Variants in EPHA6 observed in about 807,000 individuals in gnomAD.
EPHA6 encodes the protein ephrin type-A receptor 6.
Under a neutral mutation model 112.0 loss-of-function variants are expected in EPHA6, and 50 were observed. The ratio of observed to expected loss-of-function variants is 0.45; its 90% confidence interval spans 0.36 to 0.56. The LOEUF (loss-of-function observed/expected upper bound fraction) is 0.56, where lower values mean the gene tolerates loss of function less well. Ranked by LOEUF, EPHA6 falls within the 20% of genes least tolerant of loss-of-function variation. The pLI, the probability that EPHA6 is intolerant of heterozygous loss-of-function variation, is 0.00. For synonymous variants in EPHA6, 529 were observed against 490.7 expected (o/e 1.08, Z -1.03); for missense variants, 1,280 against 1,417.4 (o/e 0.90, Z 1.56).
intron 7 of EPHA6, among the ~76,000 whole-genome samples, chr3:97,466,646 A>C (rs2091065697): frequency 6.6e-6 from 1 of 151,896 alleles, no homozygotes; most frequent in South Asian, 2.1e-4. Context: ...TAAAAATGGC[A>C]ATTTTCATTA....
chr3:97,432,612 A>G (rs1315887256), intron 6 of EPHA6, among the ~76,000 whole-genome samples: 6 of 152,144 alleles, frequency 3.9e-5, no homozygotes, highest in Non-Finnish European at 8.8e-5. Flanking sequence ...TCATACTGCT[A>G]TGAAGATACT....
At chr3:96,865,874 A>T (rs2036280530) in intron 1 of EPHA6, among the ~76,000 whole-genome samples, 1 of 151,912 alleles carries the variant, frequency 6.6e-6, no homozygotes, top group South Asian at 2.1e-4. Context: ...TGAGCTGTCC[A>T]CATTTACCTG....
chr3:96,952,639 A>C lies in EPHA6; in HGVS notation c.451-34691A>C, dbSNP rs1431488345. On this transcript the variant is annotated intron_variant, in intron 2 of 17. Transcript: ENST00000389672. ...TGTCTCAATATTGTTATAGCAACTG[A>C]AAATGGACTTTCTGTTACCCAGTGT... is the stretch of plus-strand genomic sequence containing the variant. Among the ~76,000 whole-genome samples, 6 of 152,328 alleles carry C rather than the reference A, an allele frequency of 3.9e-5. No homozygotes were observed. The East Asian group carries it at 1.2e-3, about 29-fold the overall frequency.
At chr3:97,371,835 G>C (rs931715752) in intron 5 of EPHA6, among the ~76,000 whole-genome samples, 1 of 152,056 alleles carries the variant, frequency 6.6e-6, no homozygotes, top group Non-Finnish European at 1.5e-5. Context: ...CTCTGGGGAC[G>C]TCTGTCTTTT....
chr3:97,292,471 G>A (rs758345885), intron 5 of EPHA6, among the ~76,000 whole-genome samples: 1 of 152,262 alleles, frequency 6.6e-6, no homozygotes, highest in Non-Finnish European at 1.5e-5. Context: ...GCTTCATTAA[G>A]TAACAGAACA....
At chr3:96,818,132 A>G (rs1422968574) in intron 1 of EPHA6, among the ~76,000 whole-genome samples, 2 of 152,026 alleles carry the variant, frequency 1.3e-5, no homozygotes, top group Non-Finnish European at 2.9e-5. Context: ...AAAACATTTC[A>G]TCTTTTCAAG....
intron 15 of EPHA6, among the ~76,000 whole-genome samples, chr3:97,733,014 G>T (rs1366682068): frequency 6.6e-6 from 1 of 151,958 alleles, no homozygotes; most frequent in Non-Finnish European, 1.5e-5. Context: ...CCACAGAGAG[G>T]CCGGGACCAC....
At chr3:96,883,422 G>A (rs2037436383) in intron 2 of EPHA6, among the ~76,000 whole-genome samples, 2 of 152,088 alleles carry the variant, frequency 1.3e-5, no homozygotes, top group African/African-American at 2.4e-5. Context: ...AGTTTAATTA[G>A]GTCCCAGCTA....
chr3:97,121,919 G>C (rs373140287), intron 3 of EPHA6, among the ~76,000 whole-genome samples: 2 of 152,104 alleles, frequency 1.3e-5, no homozygotes, highest in South Asian at 4.1e-4. Flanking sequence ...GGATGCTTAG[G>C]TGTCTTGGTC....
At chr3:97,210,218 T>C (rs1439583170) in intron 3 of EPHA6, among the ~76,000 whole-genome samples, 1 of 152,076 alleles carries the variant, frequency 6.6e-6, no homozygotes, top group Non-Finnish European at 1.5e-5. Flanking sequence ...AAAGAAAAAA[T>C]GTTTAATTGA....
chr3:97,141,873 A>G (rs1249600762), intron 3 of EPHA6, among the ~76,000 whole-genome samples: 1 of 152,012 alleles, frequency 6.6e-6, no homozygotes, highest in Non-Finnish European at 1.5e-5. Context: ...CAAGAAAAAG[A>G]TACAAAGGAT....
intron 3 of EPHA6, among the ~76,000 whole-genome samples, chr3:97,034,119 G>A (rs2044988136): frequency 6.6e-6 from 1 of 151,776 alleles, no homozygotes; most frequent in Non-Finnish European, 1.5e-5. Flanking sequence ...AGGAACATGG[G>A]AACTTTAGGG....
At chr3:96,922,735 C>A (rs764905977) in intron 2 of EPHA6, among the ~76,000 whole-genome samples, 4 of 151,896 alleles carry the variant, frequency 2.6e-5, no homozygotes, top group Non-Finnish European at 4.4e-5. Context: ...GTTTACTGCA[C>A]AGATTATCCC....
chr3:97,471,856 A>C (rs545582445), intron 7 of EPHA6, among the ~76,000 whole-genome samples: 20 of 151,888 alleles, frequency 1.3e-4, no homozygotes, highest in African/African-American at 4.6e-4. Context: ...ATTGTCACTA[A>C]GTCAATGGCT....
chr3:96,980,538 CTTTTTTG>C (rs2042724508), intron 2 of EPHA6, among the ~76,000 whole-genome samples: 1 of 152,150 alleles, frequency 6.6e-6, no homozygotes, highest in African/African-American at 2.4e-5. Flanking sequence ...AATGCGGGCT[CTTTTTTG>C]GTTCCATATG....
intron 5 of EPHA6, among the ~76,000 whole-genome samples, chr3:97,292,828 C>A (rs944655369): frequency 6.7e-6 from 1 of 150,164 alleles, no homozygotes; most frequent in African/African-American, 2.5e-5. Flanking sequence ...GCGTCCTGCT[C>A]TCAGCAGAGA....
At chr3:97,244,323 T>C in intron 5 of EPHA6, 36 bp downstream of exon 5, 1 of 1,576,922 alleles carries the variant, frequency 6.3e-7, no homozygotes, top group Non-Finnish European at 8.7e-7. Context: ...AACAGACCCA[T>C]AATTTCTTTT....
intron 5 of EPHA6, among the ~76,000 whole-genome samples, chr3:97,342,030 G>C (rs1225663919): frequency 6.6e-6 from 1 of 152,158 alleles, no homozygotes; most frequent in Non-Finnish European, 1.5e-5. Flanking sequence ...GTAACATAGA[G>C]AGAGGAATAG....
chr3:97,271,382 G>A (rs922622046), intron 5 of EPHA6, among the ~76,000 whole-genome samples: 6 of 152,060 alleles, frequency 3.9e-5, no homozygotes, highest in African/African-American at 4.8e-5. Flanking sequence ...TTTTTGAGAC[G>A]GAGTCTCGCT....
Sources: gnomAD v4.1 joint callset for allele counts (sites outside exome capture counted in the v4.1 genomes callset) on GRCh38, gnomAD v4.1.1 for gene constraint, MANE v1.5 for transcripts, NCBI Gene and HGNC (gene_info 2026-07-23, HGNC 2026-07-21) for gene names.